The following MIB1 variants were observed in gnomAD, a reference collection of about 807,000 sequenced individuals.
MIB1 encodes MIB E3 ubiquitin protein ligase 1.
A neutral mutation model predicts 124.5 loss-of-function variants in MIB1; 278 were observed. The observed-to-expected ratio is 2.23, with a 90% CI of 2.02 to 2.47. The LOEUF is 2.47. MIB1 is among the 30% of genes most tolerant of loss of function. The pLI is 0.00. For synonymous variants in MIB1, 446 were observed against 429.4 expected (o/e 1.04, Z -0.48); for missense variants, 957 against 1,254.4 (o/e 0.76, Z 3.58).
chr18:21,859,179 G>A (rs1034433967), intron 20 of MIB1, among the ~76,000 whole-genome samples: 2 of 152,196 alleles, frequency 1.3e-5, no homozygotes, highest in Non-Finnish European at 2.9e-5. Context: ...GGAGGCCAAT[G>A]TAGGAGGATT....
chr18:21,815,912 A>C, intron 11 of MIB1, 99 bp downstream of exon 11: 2 of 1,066,502 alleles, frequency 1.9e-6, no homozygotes, highest in East Asian at 2.5e-5. Flanking sequence ...TACCGTTCTC[A>C]TATGTCATAG....
At chr18:21,821,603 G>GT (rs1331934133) in intron 12 of MIB1, among the ~76,000 whole-genome samples, 1,392 of 135,320 alleles carry the variant, frequency 0.01, 6 homozygotes, top group South Asian at 0.017. Context: ...TGTTTTTTTT[G>GT]TTTTTTTTTT....
intron 4 of MIB1, among the ~76,000 whole-genome samples, chr18:21,776,725 T>G (rs2041292489): frequency 6.6e-6 from 1 of 152,204 alleles, no homozygotes; most frequent in Non-Finnish European, 1.5e-5. Context: ...GGCTCACGCT[T>G]GTAATCCCAG....
intron 1 of MIB1, among the ~76,000 whole-genome samples, chr18:21,752,967 T>C (rs1046428905): frequency 6.6e-5 from 10 of 152,126 alleles, no homozygotes; most frequent in Non-Finnish European, 1.2e-4. Flanking sequence ...GCCAAATACA[T>C]GTTGAGTGAA....
intron 1 of MIB1, among the ~76,000 whole-genome samples, chr18:21,735,579 C>T (rs762726647): frequency 6.6e-6 from 1 of 152,098 alleles, no homozygotes; most frequent in Non-Finnish European, 1.5e-5. Flanking sequence ...TGGTCTGGCT[C>T]AGCGGGTCCC....
upstream of MIB1, among the ~76,000 whole-genome samples, chr18:21,738,733 G>A (rs1365764747): frequency 1.4e-5 from 2 of 144,828 alleles, no homozygotes; most frequent in Admixed American, 1.4e-4. Flanking sequence ...CGTGAACCCG[G>A]GAGATGGAGC....
Position 21,847,090 on chromosome 18 carries a change from CAAA to C in MIB1, c.2359_2361del (p.Lys787del). ...ATCTCTGTCCTGATCCGAATCTCTG[CAAA>C]GCACTGGCAAAGTGTCATAAGGAAA... On this transcript the variant is annotated inframe_deletion, in exon 16 of 21. Coordinates refer to ENST00000261537, the MANE Select transcript of MIB1 (RefSeq NM_020774.4). 1 of 1,614,098 alleles carries C rather than the reference CAAA, an allele frequency of 6.2e-7. No homozygotes were observed. The highest frequency in any genetic ancestry group is 8.5e-7 in the Non-Finnish European group (1 of 1,180,002).
chr18:21,818,258 T>C (rs2041848444), intron 11 of MIB1, among the ~76,000 whole-genome samples: 1 of 152,174 alleles, frequency 6.6e-6, no homozygotes, highest in Non-Finnish European at 1.5e-5. Context: ...CATCAGATTT[T>C]TTTTTCTCTT....
chr18:21,868,913 A>G lies in MIB1; in HGVS notation c.*4247A>G, dbSNP rs549870203. ...GGTTAGTAGTATGTGAAACTCTGGT[A>G]TAAAAACGTAAACTAGACAGTAGAG... On this transcript the variant is annotated 3_prime_UTR_variant, in exon 21 of 21. Coordinates refer to ENST00000261537, the MANE Select transcript of MIB1 (RefSeq NM_020774.4). The G allele has an allele frequency of 6.6e-6, 1 of 152,602 alleles. No individual in the cohort carries two copies. Among genetic ancestry groups the G allele is most frequent in the East Asian group, 1.9e-4 (1 of 5,186 alleles). The allele number at this position is 152,602 out of a possible 1,614,324, so 9.5% of individuals were successfully genotyped here.
chr18:21,743,420 A>G (rs1407625592), intron 1 of MIB1, among the ~76,000 whole-genome samples: 1 of 152,188 alleles, frequency 6.6e-6, no homozygotes, highest in African/African-American at 2.4e-5. Flanking sequence ...TTATTATTTC[A>G]TGTTTTCTTT....
At chr18:21,794,845 T>C (rs1440849333) in intron 7 of MIB1, among the ~76,000 whole-genome samples, 1 of 152,128 alleles carries the variant, frequency 6.6e-6, no homozygotes, top group African/African-American at 2.4e-5. Flanking sequence ...AGATTTTATA[T>C]GTAACCAAAC....
intron 1 of MIB1, among the ~76,000 whole-genome samples, chr18:21,762,365 T>C (rs1297853041): frequency 6.6e-6 from 1 of 152,232 alleles, no homozygotes; most frequent in Non-Finnish European, 1.5e-5. Context: ...ATGTAAATTA[T>C]GTTAATTAAC....
Position 21,715,609 on chromosome 18 carries a change from TAAAA to T in MIB1, n.167+10493_167+10496del, listed in dbSNP as rs200532248. Among the ~76,000 whole-genome samples the T allele has an allele frequency of 1.4e-4, 21 of 146,882 alleles. No homozygotes were observed. The South Asian group carries it at 4.3e-3, about 30-fold the overall frequency. ...AAGGTGAAGCTCAATTTAAGGAAAT[TAAAA>T]AAAAAATACAAGAAATGAGAGAAAT... On this transcript the variant is annotated intron_variant and non_coding_transcript_variant, in intron 1 of 20. Transcript: ENST00000578646.
intron 2 of MIB1, 118 bp from the exon 3 acceptor site, chr18:21,768,505 C>T: frequency 1.5e-6 from 1 of 685,270 alleles, no homozygotes; most frequent in Non-Finnish European, 2.2e-6. Context: ...ATGGTAGTAA[C>T]CAGAACAATG....
At chr18:21,768,098 C>T (rs2041184205) in intron 2 of MIB1, among the ~76,000 whole-genome samples, 1 of 152,150 alleles carries the variant, frequency 6.6e-6, no homozygotes, top group African/African-American at 2.4e-5. Context: ...AGGTCAAGTG[C>T]CATTTGCCAT....
chr18:21,706,806 C>T (rs983170198), intron 1 of MIB1, among the ~76,000 whole-genome samples: 5 of 152,208 alleles, frequency 3.3e-5, no homozygotes, highest in African/African-American at 1.2e-4. Flanking sequence ...CACCCCCCGC[C>T]CCACTGTGGG....
At chr18:21,849,908 A>G (rs1377417095) in intron 17 of MIB1, among the ~76,000 whole-genome samples, 7 of 152,206 alleles carry the variant, frequency 4.6e-5, no homozygotes, top group South Asian at 2.1e-4. Context: ...TTAACTTGCT[A>G]TCTTCTGTGT....
chr18:21,815,047 ATATAT>A (rs1568212967), intron 10 of MIB1, among the ~76,000 whole-genome samples: 1 of 129,418 alleles, frequency 7.7e-6, no homozygotes, highest in African/African-American at 3.1e-5. Flanking sequence ...ATATATATAT[ATATAT>A]ATATAAAATT....
chr18:21,860,098 CTTTTT>C lies in MIB1; in HGVS notation c.2880+1475_2880+1479del, dbSNP rs398032096. On this transcript the variant is annotated intron_variant, in intron 20 of 20. Coordinates refer to ENST00000261537, the MANE Select transcript of MIB1 (RefSeq NM_020774.4). ...GTGTTGGTTATGTTGTTCTTTATGT[CTTTTT>C]TTTTTTTTTTTTTTTTTTTTTTAGA... 2.0e-3 allele frequency among the ~76,000 whole-genome samples: 52 copies of C among 26,466 alleles called. 1 individual carries two copies. The highest frequency in any genetic ancestry group is 5.5e-3 in the African/African-American group (45 of 8,210). 17.4% of individuals were successfully genotyped at this position (26,466 alleles called of 152,430 possible).
Sources: allele counts gnomAD v4.1 joint callset (sites outside exome capture counted in the v4.1 genomes callset), GRCh38; gene constraint gnomAD v4.1.1; transcripts MANE v1.5; gene names NCBI Gene and HGNC (gene_info 2026-07-23, HGNC 2026-07-21).